DIS3: variants seen among roughly 807,000 people sequenced by gnomAD.
The protein encoded by DIS3 is DIS3 exosome endoribonuclease and 3'-5' exoribonuclease.
Under a neutral mutation model 113.0 loss-of-function variants are expected in DIS3, and 103 were observed. The observed-to-expected ratio is 0.91, with a 90% CI of 0.78 to 1.07. The LOEUF (loss-of-function observed/expected upper bound fraction) is 1.07, where lower values mean the gene tolerates loss of function less well. Ranked by LOEUF, DIS3 falls within the 50% of genes least tolerant of loss-of-function variation. The probability of loss-of-function intolerance (pLI) is 0.00; values close to 1 mark genes in which losing one functional copy is unlikely to be tolerated. For synonymous variants in DIS3, 402 were observed against 394.3 expected (o/e 1.02, Z -0.23); for missense variants, 1,121 against 1,167.1 (o/e 0.96, Z 0.58).
chr13:72,761,038 C>A (rs1191329250), intron 19 of DIS3, among the ~76,000 whole-genome samples: 3 of 151,772 alleles, frequency 2.0e-5, no homozygotes, highest in Admixed American at 2.0e-4. Context: ...ATAAGAAACA[C>A]TAGAAGTAAG....
chr13:72,768,970 A>G (rs1335550960), intron 13 of DIS3, 58 bp from the exon 14 acceptor site: 28 of 1,197,818 alleles, frequency 2.3e-5, no homozygotes, highest in Non-Finnish European at 3.1e-5. Context: ...ATGGTTTTCA[A>G]TATGTCCTCC....
In DIS3 at chr13:72,780,056, G is replaced by C. The variant is rs368964217; in HGVS notation, c.386+790C>G. Among the ~76,000 whole-genome samples the C allele has an allele frequency of 3.7e-4, 57 of 152,050 alleles. No homozygotes were observed. The East Asian group carries it at 0.011, about 28-fold the overall frequency. On this transcript the variant is annotated intron_variant, in intron 2 of 20. Transcript: ENST00000377767. ...AAGAATTATATTCCTGGCCAGGCAC[G>C]GTAGCTCATGCCTGTAATCCCACCA...
In DIS3 at chr13:72,753,914, T is replaced by C; in HGVS notation, c.*5881A>G. The C allele has an allele frequency of 4.0e-6, 5 of 1,247,668 alleles. No individual in the cohort carries two copies. Among genetic ancestry groups the C allele is most frequent in the Non-Finnish European group, 5.5e-6 (5 of 910,272 alleles). 77.3% of individuals were successfully genotyped at this position (1,247,668 alleles called of 1,614,324 possible). A position where few individuals can be genotyped will look rare whatever the true frequency, so the allele number is the denominator to read the frequency against. ...AGACAATAGTACTATTGAGAAACTA[T>C]ATGAAATTTAAAACACTAAAAGGTA... On this transcript the variant is annotated 3_prime_UTR_variant, in exon 21 of 21. Coordinates refer to ENST00000377767, the MANE Select transcript of DIS3 (RefSeq NM_014953.5).
At position 72,755,804 on chromosome 13, in the gene DIS3, G is replaced by A; in HGVS notation, c.*3991C>T. Reference sequence around the variant, plus strand: ...ACTACTTTTAAGTATGTAAATACTAGAAAGGTAGTACTAGTGACATCATCA... The same window carrying A: ...ACTACTTTTAAGTATGTAAATACTAAAAAGGTAGTACTAGTGACATCATCA... On this transcript the variant is annotated 3_prime_UTR_variant, in exon 21 of 21. Coordinates refer to ENST00000377767, the MANE Select transcript of DIS3 (RefSeq NM_014953.5). 1 of 398,462 alleles carries A rather than the reference G, an allele frequency of 2.5e-6. No homozygotes were observed. Among genetic ancestry groups the A allele is most frequent in the Non-Finnish European group, 4.4e-6 (1 of 226,062 alleles). The allele number at this position is 398,462 out of a possible 1,614,324, so 24.7% of individuals were successfully genotyped here.
At chr13:72,781,554 C>T (rs2034224018) in intron 1 of DIS3, 51 bp downstream of exon 1, 2 of 1,468,700 alleles carry the variant, frequency 1.4e-6, no homozygotes, top group Non-Finnish European at 9.0e-7. Flanking sequence ...CCCTGTCATA[C>T]CCCCTTGTCC....
chr13:72,763,520 A>G lies in DIS3; in HGVS notation c.2058T>C (p.Ala686=). Residue 686 remains alanine (A), a synonymous_variant, in exon 16 of 21, where the codon GCT becomes GCC. Coordinates refer to ENST00000377767, the MANE Select transcript of DIS3 (RefSeq NM_014953.5). ...GTGGAGCAGGATGTTTTCGAAGCAG[A>G]GCATGTTCAGAAAATTCCTCATGAA... ...KKIHEEFSEH[A]LLRKHPAPPP... is the part of the protein sequence containing the mutation. 1.2e-6 allele frequency: 2 copies of G among 1,613,960 alleles called. No homozygotes were observed. Among genetic ancestry groups the G allele is most frequent in the Non-Finnish European group, 8.5e-7 (1 of 1,179,978 alleles).
Position 72,758,812 on chromosome 13 carries a change from A to G in DIS3, c.*983T>C. The G allele has an allele frequency of 5.1e-6, 1 of 196,398 alleles. No homozygotes were observed. Among genetic ancestry groups the G allele is most frequent in the Non-Finnish European group, 1.1e-5 (1 of 94,530 alleles). The allele number at this position is 196,398 out of a possible 1,614,324, so 12.2% of individuals were successfully genotyped here. On this transcript the variant is annotated 3_prime_UTR_variant, in exon 21 of 21. Coordinates refer to ENST00000377767, the MANE Select transcript of DIS3 (RefSeq NM_014953.5). ...ATAATTTACTTGAGTGGAACCTGGC[A>G]CAACGTAAGTGCTTTAGAAATTGAA...
Position 72,765,953 on chromosome 13 carries a change from C to A in DIS3, c.1970+19G>T. On this transcript the variant is annotated intron_variant, in intron 15 of 20. Coordinates refer to ENST00000377767, the MANE Select transcript of DIS3 (RefSeq NM_014953.5). ...AAATAAAAAAATCTTATCTAATGCC[C>A]ATCAAAAAAATTACAAACCTAAGTT... 6.4e-7 allele frequency: 1 copy of A among 1,566,748 alleles called. No homozygotes were observed. Among genetic ancestry groups the A allele is most frequent in the Admixed American group, 1.8e-5 (1 of 54,680 alleles).
chr13:72,768,148 G>A (rs1008678542), intron 14 of DIS3, among the ~76,000 whole-genome samples: 4 of 152,082 alleles, frequency 2.6e-5, no homozygotes, highest in Admixed American at 6.5e-5. Context: ...CCTAATCTAC[G>A]TTTATTTAAA....
intron 1 of DIS3, chr13:72,781,292 CTG>C (rs1274018318): frequency 1.3e-6 from 2 of 1,551,252 alleles, no homozygotes; most frequent in African/African-American, 2.7e-5. Context: ...CACTTACAAG[CTG>C]CCTGGGAGTC....
chr13:72,769,576 G>A (rs7333100), intron 13 of DIS3, among the ~76,000 whole-genome samples: 31,556 of 151,320 alleles, frequency 0.21, 3,415 homozygotes, highest in Middle Eastern at 0.27. Context: ...GATAACGCAG[G>A]TCAGGTCGGA....
At position 72,768,857 on chromosome 13, in the gene DIS3, T is replaced by A; in HGVS notation, c.1811A>T (p.Asp604Val). 6.2e-7 allele frequency: 1 copy of A among 1,607,788 alleles called. No individual in the cohort carries two copies. Among genetic ancestry groups the A allele is most frequent in the Non-Finnish European group, 8.5e-7 (1 of 1,174,690 alleles). ...TCCACGGAGACTAGTGGTAATATCA[T>A]CATTCATGTTTGCTGAATCAATTCT... ...QLRIDSANMN[D>V]DITTSLRGLN... The change falls in exon 14 of 21, where the codon GAT becomes GTT. Residue 604 changes from aspartate to valine, a missense_variant. Asp to Val is a radical substitution (Grantham distance 152). This residue lies in a region of DIS3 where 861 missense variants were observed against 915.5 expected (regional missense o/e 0.94). Transcript: ENST00000377767.
rs775586661 is a variant in DIS3 at position 72,759,851 on chromosome 13, T to C, written c.2821A>G (p.Thr941Ala). ...GGTCCATTAAGGTCCATGTTTGAAG[T>C]ATCAGTAGGAATGCTTATTCCTGGT... Reference protein sequence around the residue: ...QIPGISIPTDTSNMDLNGPKK... With the variant: ...QIPGISIPTDASNMDLNGPKK... Residue 941 changes from threonine (T) to alanine (A), a missense_variant, in exon 21 of 21, where the codon ACT (threonine) becomes GCT (alanine). Thr to Ala is a moderately conservative substitution (Grantham distance 58). Around this residue, in one of 3 missense-constraint regions of DIS3, gnomAD observed 861 missense variants for 915.5 expected, o/e 0.94. Transcript: ENST00000377767. The C allele has an allele frequency of 3.0e-5, 49 of 1,613,232 alleles. No homozygotes were observed. Among genetic ancestry groups the C allele is most frequent in the Non-Finnish European group, 4.2e-5 (49 of 1,179,512 alleles).
chr13:72,763,376 T>G (rs1187507683), intron 16 of DIS3, 75 bp downstream of exon 16: 10 of 1,456,012 alleles, frequency 6.9e-6, no homozygotes, highest in African/African-American at 1.4e-5. Flanking sequence ...TTTATGGAAA[T>G]ATGAATATAA....
rs766575262 is a variant in DIS3 at position 72,781,394 on chromosome 13, G to A, written c.228+211C>T. 3.9e-6 allele frequency: 6 copies of A among 1,540,802 alleles called. No individual in the cohort carries two copies. The South Asian group carries it at 7.2e-5, about 19-fold the overall frequency. On this transcript the variant is annotated intron_variant, in intron 1 of 20. Coordinates refer to ENST00000377767, the MANE Select transcript of DIS3 (RefSeq NM_014953.5). ...AGACACCAGGAGTTAGAAAAATAAC[G>A]TGTCTGAACTACGACTCCAAGAACT...
chr13:72,777,538 T>C, intron 3 of DIS3, 45 bp from the exon 4 acceptor site: 1 of 1,548,632 alleles, frequency 6.5e-7, no homozygotes, highest in Non-Finnish European at 8.9e-7. Flanking sequence ...GTTTTTTCCT[T>C]AGATATGAAA....
intron 5 of DIS3, 133 bp downstream of exon 5, chr13:72,775,787 AAAAAG>A (rs907751128): frequency 6.1e-6 from 5 of 816,158 alleles, no homozygotes; most frequent in Admixed American, 3.7e-5. Context: ...CTGCAAAAAA[AAAAAG>A]AAAAAAGTTA....
chr13:72,781,527 T>A, intron 1 of DIS3, 78 bp downstream of exon 1: 1 of 1,450,522 alleles, frequency 6.9e-7, no homozygotes, highest in Non-Finnish European at 9.1e-7. Flanking sequence ...AAGACCCGCC[T>A]CCCTGGGCCT....
intron 17 of DIS3, 31 bp from the exon 18 acceptor site, chr13:72,761,845 A>C: frequency 1.2e-6 from 2 of 1,610,782 alleles, no homozygotes; most frequent in Non-Finnish European, 1.7e-6. Context: ...GAACCATGGT[A>C]TGTCAGTACT....
Sources: gnomAD v4.1 joint callset for allele counts (sites outside exome capture counted in the v4.1 genomes callset) on GRCh38, gnomAD v4.1.1 for gene constraint, gnomAD v4.1.1 regional missense constraint, MANE v1.5 for transcripts, NCBI Gene and HGNC (gene_info 2026-07-23, HGNC 2026-07-21) for gene names.